The following DSP variants were observed in gnomAD, a reference collection of about 807,000 sequenced individuals.
DSP encodes the protein desmoplakin, also known as 250/210 kDa paraneoplastic pemphigus antigen.
Under a neutral mutation model 290.6 loss-of-function variants are expected in DSP, and 114 were observed. That is an observed-to-expected ratio of 0.39 (90% CI 0.34 to 0.46). The LOEUF is 0.46. Among genes scored for constraint, DSP ranks in the 20% least tolerant of loss-of-function variants. DSP has a pLI of 0.99. For missense variants in DSP, 3,230 were observed against 3,495.8 expected, an observed-to-expected ratio of 0.92 and a Z score of 1.92; for synonymous variants, 1,311 against 1,316.4, an observed-to-expected ratio of 1.00 and a Z score of 0.09.
Position 7,581,284 on chromosome 6 carries a change from A to C in DSP, c.5094A>C (p.Glu1698Asp), listed in dbSNP as rs1759431545. Reference protein sequence around the residue: ...AIEDKSRSLNESKIEIERLQS... With the variant: ...AIEDKSRSLNDSKIEIERLQS... ...AAGATAAAAGCAGAAGCTTAAATGA[A>C]AGCAAAATAGAAATTGAGAGGCTGC... Residue 1698 changes from glutamate to aspartate, a missense_variant, in exon 23 of 24, where the codon GAA becomes GAC. By Grantham distance (45) the Glu-to-Asp change is conservative (BLOSUM62 2). This residue lies in a region of DSP where 1,714 missense variants were observed against 1,844.5 expected (regional missense o/e 0.93). Transcript: ENST00000379802. 6.2e-7 allele frequency: 1 copy of C among 1,614,150 alleles called. No individual in the cohort carries two copies. Among genetic ancestry groups the C allele is most frequent in the Non-Finnish European group, 8.5e-7 (1 of 1,180,042 alleles).
At position 7,579,195 on chromosome 6, in the gene DSP, C is replaced by T. The variant is rs893120863; in HGVS notation, c.3085-80C>T. On this transcript the variant is annotated intron_variant, in intron 22 of 23. Transcript: ENST00000379802. The surrounding 1 kb of genome is among the most constrained non-coding windows in gnomAD (Gnocchi z 4.1). ...AAGAGAAATAAGAATGCACATTGGT[C>T]TGGGAGGGGAAAAGTACTGCTTCTT... 1 of 1,566,754 alleles carries T rather than the reference C, an allele frequency of 6.4e-7. No individual in the cohort carries two copies. The highest frequency in any genetic ancestry group is 8.7e-7 in the Non-Finnish European group (1 of 1,152,352).
intron 2 of DSP, among the ~76,000 whole-genome samples, chr6:7,557,168 G>T (rs1758527392): frequency 1.3e-5 from 2 of 152,190 alleles, no homozygotes; most frequent in African/African-American, 4.8e-5. Flanking sequence ...TGAAGCAGAG[G>T]AGGAAGCTTT....
At position 7,558,113 on chromosome 6, in the gene DSP, C is replaced by T; in HGVS notation, c.274-3C>T. 4.3e-6 allele frequency: 7 copies of T among 1,614,190 alleles called. No individual in the cohort carries two copies. Among genetic ancestry groups the T allele is most frequent in the South Asian group, 1.1e-5 (1 of 91,082 alleles). ...TTTCCTTCATGTGAGTGTTTTCTTT[C>T]AGGAATTGAAGTATGGAGATGGAAT... On this transcript the variant is annotated splice_polypyrimidine_tract_variant and splice_region_variant and intron_variant, in intron 2 of 23. Coordinates refer to ENST00000379802, the MANE Select transcript of DSP (RefSeq NM_004415.4).
Position 7,579,385 on chromosome 6 carries a change from C to T in DSP, c.3195C>T (p.Tyr1065=). The T allele has an allele frequency of 6.2e-7, 1 of 1,614,112 alleles. No homozygotes were observed. The highest frequency in any genetic ancestry group is 8.5e-7 in the Non-Finnish European group (1 of 1,180,034). The change falls in exon 23 of 24, where the codon TAC becomes TAT. Residue 1065 remains tyrosine (Y), a synonymous_variant. Coordinates refer to ENST00000379802, the MANE Select transcript of DSP (RefSeq NM_004415.4). This position sits in a 1 kb window ranked among gnomAD's most constrained non-coding sequence, Gnocchi z 4.1. ...TCCTGGATCAGAACCTGCAGAAATA[C>T]CAGGCAGAGTGTTCCCAGTTCAAAG... The part of the protein sequence containing the change: ...NKFLDQNLQK[Y]QAECSQFKAK...
chr6:7,550,837 T>C (rs1265355779), intron 1 of DSP, among the ~76,000 whole-genome samples: 7 of 152,040 alleles, frequency 4.6e-5, no homozygotes, highest in African/African-American at 1.7e-4. Flanking sequence ...TGCCATCTTC[T>C]GTGCCACTGA....
intron 1 of DSP, among the ~76,000 whole-genome samples, chr6:7,548,392 G>C (rs553530277): frequency 1.3e-4 from 20 of 152,326 alleles, no homozygotes; most frequent in African/African-American, 3.8e-4. Context: ...AGCCCCAGGA[G>C]GGGGGTGTTC....
Position 7,585,181 on chromosome 6 carries a change from G to A in DSP, c.7919G>A (p.Gly2640Asp), listed in dbSNP as rs1759606289. 2.5e-6 allele frequency: 4 copies of A among 1,614,158 alleles called. No homozygotes were observed. Among genetic ancestry groups the A allele is most frequent in the Non-Finnish European group, 3.4e-6 (4 of 1,180,028 alleles). Residue 2640 changes from glycine to aspartate, a missense_variant, in exon 24 of 24, where the codon GGC becomes GAC. Around this residue, in one of 5 missense-constraint regions of DSP, gnomAD observed 582 missense variants for 555.4 expected, o/e 1.05. Coordinates refer to ENST00000379802, the MANE Select transcript of DSP (RefSeq NM_004415.4). Reference protein sequence around the residue: ...KISITEGIERGIVDSITGQRL... With the variant: ...KISITEGIERDIVDSITGQRL... ...TCCATTACAGAAGGTATAGAGCGGG[G>A]CATCGTTGACAGCATCACGGGTCAG...
rs775185795 is a variant in DSP at position 7,579,416 on chromosome 6, C to T, written c.3226C>T (p.Leu1076Phe). ...QAECSQFKAK[L>F]ASLEELKRQA... ...AGAGTGTTCCCAGTTCAAAGCGAAG[C>T]TTGCGAGCCTGGAGGAGCTGAAGAG... Residue 1076 changes from leucine to phenylalanine, a missense_variant, in exon 23 of 24, where the codon CTT becomes TTT. Leu to Phe is a conservative substitution (Grantham distance 22). Transcript: ENST00000379802. This position sits in a 1 kb window ranked among gnomAD's most constrained non-coding sequence, Gnocchi z 4.1. 4 of 1,614,150 alleles carry T rather than the reference C, an allele frequency of 2.5e-6. No individual in the cohort carries two copies. The South Asian group carries it at 4.4e-5, about 18-fold the overall frequency.
chr6:7,568,182 T>G (rs1758920999), intron 10 of DSP, among the ~76,000 whole-genome samples: 2 of 152,238 alleles, frequency 1.3e-5, no homozygotes, highest in Non-Finnish European at 2.9e-5. Flanking sequence ...GAACGCATAC[T>G]TCAAATTTTA....
Position 7,548,609 on chromosome 6 carries a change from C to T in DSP, c.170+6524C>T, listed in dbSNP as rs185786539. On this transcript the variant is annotated intron_variant, in intron 1 of 23. Coordinates refer to ENST00000379802, the MANE Select transcript of DSP (RefSeq NM_004415.4). ...TCTGCCAAACACACAGTGTGAAAATCGAGAAAACCGCCTGGAAAAGAAGCA... is the reference window on the plus strand; with the variant it reads ...TCTGCCAAACACACAGTGTGAAAATTGAGAAAACCGCCTGGAAAAGAAGCA... Among the ~76,000 whole-genome samples the T allele has an allele frequency of 2.6e-3, 393 of 152,302 alleles. 2 individuals carry two copies. Among genetic ancestry groups the T allele is most frequent in the African/African-American group, 9.1e-3 (377 of 41,574 alleles).
At chr6:7,578,656 C>A in intron 22 of DSP, 94 bp downstream of exon 22, 1 of 1,003,526 alleles carries the variant, frequency 1.0e-6, no homozygotes, top group Non-Finnish European at 1.6e-6. Flanking sequence ...TTGGACACAT[C>A]CTGGTGAAAC....
chr6:7,582,522 A>G lies in DSP; in HGVS notation c.5380-120A>G. 4.1e-6 allele frequency: 4 copies of G among 971,816 alleles called. No individual in the cohort carries two copies. The highest frequency in any genetic ancestry group is 6.2e-6 in the Non-Finnish European group (4 of 649,062). 60.2% of individuals were successfully genotyped at this position (971,816 alleles called of 1,614,324 possible). The stretch of plus-strand genomic sequence containing the variant: ...GTGTATCCAGGGACAATATAGAAAG[A>G]AAAAATAAGCAAGGCTTTTTTTTTT... On this transcript the variant is annotated intron_variant, in intron 23 of 23. Transcript: ENST00000379802. The surrounding 1 kb of genome is among the most constrained non-coding windows in gnomAD (Gnocchi z 4.2).
rs759929036 is a variant in DSP, at chr6:7,583,826, A to C, written c.6564A>C (p.Glu2188Asp). The C allele has an allele frequency of 3.1e-6, 5 of 1,614,176 alleles. No individual in the cohort carries two copies. In the Admixed American group the frequency reaches 8.3e-5, roughly 27 times the overall value. Residue 2188 changes from glutamate to aspartate, a missense_variant, in exon 24 of 24, where the codon GAA becomes GAC. By Grantham distance (45) the Glu-to-Asp change is conservative (BLOSUM62 2). Around this residue, in one of 5 missense-constraint regions of DSP, gnomAD observed 1,714 missense variants for 1,844.5 expected, o/e 0.93. Transcript: ENST00000379802. The surrounding 1 kb of genome is among the most constrained non-coding windows in gnomAD (Gnocchi z 4.0). ...AGGTCAGTTACGTGCAGCTGAAGGA[A>C]CGGTGCAGAATCGAACCACATACTG... ...KKKVSYVQLK[E>D]RCRIEPHTGL...
rs1483445708 is a variant in DSP, at chr6:7,577,787, G to C, written c.2886G>C (p.Glu962Asp). Reference protein sequence around the residue: ...ELCANSIKDYELQLASYTSGL... With the variant: ...ELCANSIKDYDLQLASYTSGL... Reference sequence around the variant, plus strand: ...ACTTCATTATGCTGCAGGATTATGAGCTCCAGCTGGCCTCATACACCTCAG... The same window carrying C: ...ACTTCATTATGCTGCAGGATTATGACCTCCAGCTGGCCTCATACACCTCAG... Residue 962 changes from glutamate to aspartate, a missense_variant, in exon 21 of 24, where the codon GAG becomes GAC. Glu to Asp is a conservative substitution (Grantham distance 45). Coordinates refer to ENST00000379802, the MANE Select transcript of DSP (RefSeq NM_004415.4). 1 of 1,613,748 alleles carries C rather than the reference G, an allele frequency of 6.2e-7. No individual in the cohort carries two copies. Among genetic ancestry groups the C allele is most frequent in the African/African-American group, 1.3e-5 (1 of 74,926 alleles).
chr6:7,570,404 G>A (rs777674209), intron 12 of DSP, 33 bp from the exon 13 acceptor site: 3 of 1,614,034 alleles, frequency 1.9e-6, no homozygotes, highest in Non-Finnish European at 8.5e-7. Context: ...GTGAAAGCCT[G>A]GCTCTAGCAT....
At chr6:7,548,043 C>T (rs1251742572) in intron 1 of DSP, among the ~76,000 whole-genome samples, 2 of 151,956 alleles carry the variant, frequency 1.3e-5, no homozygotes, top group African/African-American at 4.8e-5. Flanking sequence ...CCGAGGTGGG[C>T]GGATCACAAG....
Position 7,581,217 on chromosome 6 carries a change from A to G in DSP, c.5027A>G (p.Lys1676Arg), listed in dbSNP as rs1759429098. The G allele has an allele frequency of 1.2e-6, 2 of 1,614,090 alleles. No individual in the cohort carries two copies. The highest frequency in any genetic ancestry group is 2.2e-5 in the East Asian group (1 of 44,904). The change falls in exon 23 of 24, where the codon AAA (lysine) becomes AGA (arginine). Residue 1676 changes from lysine (K) to arginine (R), a missense_variant. Lys to Arg is a conservative substitution (Grantham distance 26). Around this residue, in one of 5 missense-constraint regions of DSP, gnomAD observed 1,714 missense variants for 1,844.5 expected, o/e 0.93. Transcript: ENST00000379802. ...TTACTCCAGGAACAGGAAAGTGTCA[A>G]ACAAGCTCACTTGAGGAATGAGCAT... ...RQLLQEQESV[K>R]QAHLRNEHFQ...
chr6:7,541,883 G>C lies in DSP; in HGVS notation c.-33G>C. The C allele has an allele frequency of 6.3e-7, 1 of 1,592,748 alleles. No individual in the cohort carries two copies. The highest frequency in any genetic ancestry group is 8.5e-7 in the Non-Finnish European group (1 of 1,171,520). ...CGCCGGCCCGCCTCGCTTATGCCTCGGCGCTGAGCCGCTCTCCCGATTGCC... is the reference window on the plus strand; with the variant it reads ...CGCCGGCCCGCCTCGCTTATGCCTCCGCGCTGAGCCGCTCTCCCGATTGCC... On this transcript the variant is annotated 5_prime_UTR_variant, in exon 1 of 24. Coordinates refer to ENST00000379802, the MANE Select transcript of DSP (RefSeq NM_004415.4).
chr6:7,550,366 T>A (rs2113645208), intron 1 of DSP, among the ~76,000 whole-genome samples: 1 of 152,350 alleles, frequency 6.6e-6, no homozygotes, highest in East Asian at 1.9e-4. Flanking sequence ...TGTCTTGTAT[T>A]TTTAAAAATA....
Sources: allele counts gnomAD v4.1 joint callset (sites outside exome capture counted in the v4.1 genomes callset), GRCh38; gene constraint gnomAD v4.1.1; regional missense constraint gnomAD v4.1.1; non-coding constraint Gnocchi (gnomAD v3.1); transcripts MANE v1.5; gene names NCBI Gene and HGNC (gene_info 2026-07-23, HGNC 2026-07-21).